The following PDE4D variants were observed in gnomAD, a reference collection of about 807,000 sequenced individuals.
PDE4D encodes the protein 3',5'-cyclic-AMP phosphodiesterase 4D.
In PDE4D, 24 loss-of-function variants were observed where a neutral mutation model predicts 87.4. That is an observed-to-expected ratio of 0.27 (90% CI 0.20 to 0.39). PDE4D has a LOEUF of 0.39. Among genes scored for constraint, PDE4D ranks in the 10% least tolerant of loss-of-function variants. The pLI is 1.00. For missense variants in PDE4D, 714 were observed against 1,041.0 expected (o/e 0.69, Z 4.32); for synonymous variants, 384 against 383.2 (o/e 1.00, Z -0.02).
intron 2 of PDE4D, among the ~76,000 whole-genome samples, chr5:60,016,464 A>G (rs1765533784): frequency 6.6e-6 from 1 of 152,176 alleles, no homozygotes; most frequent in Non-Finnish European, 1.5e-5. Context: ...TGCCACATCC[A>G]TTGACTCTTC....
chr5:59,269,005 A>ACCCTC (rs1357792175), intron 1 of PDE4D, among the ~76,000 whole-genome samples: 5 of 152,094 alleles, frequency 3.3e-5, no homozygotes, highest in Non-Finnish European at 7.4e-5. Context: ...GGAATGATTG[A>ACCCTC]CAGAGGAACT....
At chr5:60,341,071 G>A (rs553257692) in intron 1 of PDE4D, among the ~76,000 whole-genome samples, 28 of 152,122 alleles carry the variant, frequency 1.8e-4, no homozygotes, top group Admixed American at 9.2e-4. Flanking sequence ...CTTTCACTAT[G>A]ATTTGCCATC....
chr5:60,050,088 C>T (rs558261797), intron 2 of PDE4D, among the ~76,000 whole-genome samples: 1 of 152,316 alleles, frequency 6.6e-6, no homozygotes, highest in Admixed American at 6.5e-5. Flanking sequence ...TTAAGGCCGT[C>T]AGAAAAGCGC....
Position 59,414,407 on chromosome 5 carries a change from C to T in PDE4D, c.456-198439G>A, listed in dbSNP as rs116577054. Among the ~76,000 whole-genome samples, 267 of 152,220 alleles carry T rather than the reference C, an allele frequency of 1.8e-3. 1 individual carries two copies. Among genetic ancestry groups the T allele is most frequent in the African/African-American group, 6.2e-3 (257 of 41,530 alleles). On this transcript the variant is annotated intron_variant, in intron 1 of 14. Coordinates refer to ENST00000340635, the MANE Select transcript of PDE4D (RefSeq NM_001104631.2). ...CATCATGGAAGAGGGAGGGACTGGA[C>T]CTTGAAGAAAGGGTAGAATTTGGGC...
intron 2 of PDE4D, among the ~76,000 whole-genome samples, chr5:60,020,384 T>G (rs532611836): frequency 6.6e-6 from 1 of 152,210 alleles, no homozygotes; most frequent in Non-Finnish European, 1.5e-5. Context: ...ATACACTTGT[T>G]AGATGTAGAG....
intron 1 of PDE4D, among the ~76,000 whole-genome samples, chr5:60,331,232 C>A (rs973560447): frequency 6.6e-6 from 1 of 152,200 alleles, no homozygotes; most frequent in Non-Finnish European, 1.5e-5. Flanking sequence ...CTTACCAAGT[C>A]AGTTGCCTTG....
At chr5:60,158,860 C>T (rs1487841124) in intron 2 of PDE4D, among the ~76,000 whole-genome samples, 2 of 152,200 alleles carry the variant, frequency 1.3e-5, no homozygotes, top group Non-Finnish European at 2.9e-5. Flanking sequence ...TGAGCCACCG[C>T]GCCAGGCCAA....
At chr5:60,416,245 AT>A (rs1742537469) in intron 1 of PDE4D, among the ~76,000 whole-genome samples, 2 of 152,316 alleles carry the variant, frequency 1.3e-5, no homozygotes, top group South Asian at 4.1e-4. Context: ...TCTCTGTAAA[AT>A]GGACCAATCA....
In PDE4D at chr5:59,189,258, T is replaced by TTTTG. The variant is rs796318512; in HGVS notation, c.685-3997_685-3996insCAAA. Among the ~76,000 whole-genome samples, 397 of 145,130 alleles carry TTTTG rather than the reference T, an allele frequency of 2.7e-3. 9 individuals are homozygous for TTTTG. The East Asian group carries it at 0.05, about 18-fold the overall frequency. On this transcript the variant is annotated intron_variant, in intron 3 of 14. Coordinates refer to ENST00000340635, the MANE Select transcript of PDE4D (RefSeq NM_001104631.2). ...TTTTTTTTTTTGTTTTTTTTGTTTT[T>TTTTG]TTTTTTTTGAGACGGAGTTTTGCTC... is the stretch of plus-strand genomic sequence containing the variant.
chr5:60,335,559 T>C (rs1423794730), intron 1 of PDE4D, among the ~76,000 whole-genome samples: 1 of 152,142 alleles, frequency 6.6e-6, no homozygotes, highest in Non-Finnish European at 1.5e-5. Flanking sequence ...CCCTTTTTAG[T>C]AAATGCTCTA....
At chr5:59,516,420 T>A (rs1013732906) in intron 1 of PDE4D, among the ~76,000 whole-genome samples, 5 of 152,146 alleles carry the variant, frequency 3.3e-5, no homozygotes, top group Admixed American at 3.3e-4. Flanking sequence ...AGGAACAAAG[T>A]TTTTGGAGTT....
At chr5:59,067,321 T>C (rs1456132021) in intron 5 of PDE4D, among the ~76,000 whole-genome samples, 1 of 152,094 alleles carries the variant, frequency 6.6e-6, no homozygotes, top group Non-Finnish European at 1.5e-5. Flanking sequence ...CTGGCTATGA[T>C]ATTTTGTTAC....
intron 1 of PDE4D, among the ~76,000 whole-genome samples, chr5:60,511,794 A>G (rs1399306763): frequency 1.3e-5 from 2 of 151,990 alleles, no homozygotes; most frequent in Non-Finnish European, 2.9e-5. Context: ...TTTAGTACAG[A>G]AAAAATATTT....
rs1358111037 is a variant in PDE4D at position 58,973,280 on chromosome 5, T to G, written c.*1384A>C. On this transcript the variant is annotated 3_prime_UTR_variant, in exon 15 of 15. Coordinates refer to ENST00000340635, the MANE Select transcript of PDE4D (RefSeq NM_001104631.2). ...GGTTGAAATGAATGTTAACCCTAAC[T>G]TAACTACCTGTTTCTTTTCACCGGT... 6.6e-6 allele frequency: 1 copy of G among 152,242 alleles called. No individual in the cohort carries two copies. 9.4% of individuals were successfully genotyped at this position (152,242 alleles called of 1,614,324 possible).
At chr5:59,209,330 C>T (rs1461574529) in intron 2 of PDE4D, among the ~76,000 whole-genome samples, 7 of 151,994 alleles carry the variant, frequency 4.6e-5, no homozygotes, top group African/African-American at 1.5e-4. Flanking sequence ...AGACTACAGG[C>T]GCCCACCACC....
At chr5:60,124,503 C>T (rs1778958068) in intron 2 of PDE4D, among the ~76,000 whole-genome samples, 1 of 152,002 alleles carries the variant, frequency 6.6e-6, no homozygotes, top group South Asian at 2.1e-4. Context: ...TCTCTGCAGC[C>T]CCCATCACAT....
intron 1 of PDE4D, among the ~76,000 whole-genome samples, chr5:59,756,558 T>A (rs952472837): frequency 9.9e-6 from 1 of 101,018 alleles, no homozygotes; most frequent in African/African-American, 3.4e-5. Flanking sequence ...TGAGTCATGG[T>A]GACAAAGTCC....
chr5:59,022,272 CG>C (rs1373661679), intron 6 of PDE4D, among the ~76,000 whole-genome samples: 2 of 152,170 alleles, frequency 1.3e-5, no homozygotes, highest in Non-Finnish European at 2.9e-5. Context: ...GGGGCAGCAA[CG>C]GGCATTGGTC....
At chr5:59,734,475 A>C (rs1461061365) in intron 1 of PDE4D, among the ~76,000 whole-genome samples, 1 of 152,188 alleles carries the variant, frequency 6.6e-6, no homozygotes, top group African/African-American at 2.4e-5. Context: ...AAGCCTATAA[A>C]GAAAAGGAAG....
Sources: allele counts gnomAD v4.1 joint callset (sites outside exome capture counted in the v4.1 genomes callset), GRCh38; gene constraint gnomAD v4.1.1; transcripts MANE v1.5; gene names NCBI Gene and HGNC (gene_info 2026-07-23, HGNC 2026-07-21).